OLA1: variants seen among roughly 807,000 people sequenced by gnomAD.
The protein encoded by OLA1 is obg-like ATPase 1.
Under a neutral mutation model 48.4 loss-of-function variants are expected in OLA1, and 14 were observed. The ratio of observed to expected loss-of-function variants is 0.29; its 90% confidence interval spans 0.19 to 0.45. OLA1 has a LOEUF of 0.45. Among genes scored for constraint, OLA1 ranks in the 20% least tolerant of loss-of-function variants. The pLI, the probability that OLA1 is intolerant of heterozygous loss-of-function variation, is 1.00. For missense variants in OLA1, 325 were observed against 467.1 expected, an observed-to-expected ratio of 0.70 and a Z score of 2.80; for synonymous variants, 127 against 150.4, an observed-to-expected ratio of 0.84 and a Z score of 1.14.
At chr2:174,087,588 A>T (rs1685012967) in intron 7 of OLA1, among the ~76,000 whole-genome samples, 1 of 152,092 alleles carries the variant, frequency 6.6e-6, no homozygotes, top group African/African-American at 2.4e-5. Flanking sequence ...TATGGTATAC[A>T]GACATATTAT....
Position 174,248,216 on chromosome 2 carries a change from C to A in OLA1, c.-1+236G>T, listed in dbSNP as rs929070204. The stretch of plus-strand genomic sequence containing the variant: ...CTCCTCTCCGGACTGGGCCACCGGG[C>A]GTCCTGGCGTCGGGAGAAGGCTTTC... On this transcript the variant is annotated intron_variant, in intron 1 of 10. Transcript: ENST00000284719. The A allele has an allele frequency of 5.9e-4, 94 of 158,440 alleles. 2 individuals are homozygous for A. The highest frequency in any genetic ancestry group is 5.0e-3 in the Admixed American group (82 of 16,312). The allele number at this position is 158,440 out of a possible 1,614,324, so 9.8% of individuals were successfully genotyped here. A position where few individuals can be genotyped will look rare whatever the true frequency, so the allele number is the denominator to read the frequency against.
chr2:174,148,523 A>G (rs6759799), intron 4 of OLA1, among the ~76,000 whole-genome samples: 6,506 of 152,312 alleles, frequency 0.043, 497 homozygotes, highest in African/African-American at 0.15. Flanking sequence ...CAGAAAAAAA[A>G]TTAACCATAA....
chr2:174,198,699 T>C (rs560679389), intron 4 of OLA1, among the ~76,000 whole-genome samples: 1 of 152,172 alleles, frequency 6.6e-6, no homozygotes, highest in Non-Finnish European at 1.5e-5. Flanking sequence ...AAGAATTGCT[T>C]GAACCTGGGA....
intron 7 of OLA1, among the ~76,000 whole-genome samples, chr2:174,119,781 A>T (rs901070161): frequency 6.6e-6 from 1 of 152,152 alleles, no homozygotes; most frequent in Admixed American, 6.5e-5. Flanking sequence ...AACTTGACAC[A>T]TTGCCCTTCA....
At chr2:174,246,500 T>C (rs1253418588) in intron 2 of OLA1, among the ~76,000 whole-genome samples, 1 of 152,174 alleles carries the variant, frequency 6.6e-6, no homozygotes, top group Non-Finnish European at 1.5e-5. Flanking sequence ...GCATGGCCTC[T>C]GGTAGACAGC....
chr2:174,247,126 C>G (rs984929196), intron 1 of OLA1: 8 of 183,240 alleles, frequency 4.4e-5, no homozygotes, highest in Middle Eastern at 2.1e-3. Flanking sequence ...GAGGGGGAGG[C>G]CGAGGTGGGC....
intron 4 of OLA1, among the ~76,000 whole-genome samples, chr2:174,158,781 A>C (rs931252585): frequency 6.6e-6 from 1 of 152,172 alleles, no homozygotes; most frequent in African/African-American, 2.4e-5. Flanking sequence ...AAGTAGAGAA[A>C]TCTCTCCACC....
intron 4 of OLA1, among the ~76,000 whole-genome samples, chr2:174,195,073 A>C (rs183495692): frequency 5.3e-5 from 8 of 152,272 alleles, no homozygotes; most frequent in Admixed American, 5.2e-4. Flanking sequence ...TTCAGCCTTC[A>C]TCTGAATTTA....
chr2:174,176,450 G>A (rs1687420609), intron 4 of OLA1, among the ~76,000 whole-genome samples: 1 of 151,960 alleles, frequency 6.6e-6, no homozygotes, highest in South Asian at 2.1e-4. Context: ...AACAAAAATT[G>A]GAAAAAATAT....
chr2:174,163,922 G>A (rs900019735), intron 4 of OLA1, among the ~76,000 whole-genome samples: 1 of 151,550 alleles, frequency 6.6e-6, no homozygotes, highest in Non-Finnish European at 1.5e-5. Context: ...CAATTTGGCT[G>A]TGTCCCCAAC....
At chr2:174,076,119 T>G (rs1684731287) in intron 10 of OLA1, among the ~76,000 whole-genome samples, 1 of 152,208 alleles carries the variant, frequency 6.6e-6, no homozygotes, top group African/African-American at 2.4e-5. Flanking sequence ...ATGGCCCTAG[T>G]TACAAGGAGA....
intron 7 of OLA1, among the ~76,000 whole-genome samples, chr2:174,099,402 C>T (rs1685337933): frequency 6.6e-6 from 1 of 152,166 alleles, no homozygotes; most frequent in African/African-American, 2.4e-5. Flanking sequence ...GATCCGCCCG[C>T]CTTGGCCTCC....
intron 4 of OLA1, among the ~76,000 whole-genome samples, chr2:174,162,367 T>C (rs1293259154): frequency 6.6e-6 from 1 of 152,204 alleles, no homozygotes; most frequent in Non-Finnish European, 1.5e-5. Context: ...TCAAAGGCCA[T>C]ATCACAACTA....
intron 3 of OLA1, 138 bp downstream of exon 3, chr2:174,229,170 A>T: frequency 1.2e-6 from 1 of 863,658 alleles, no homozygotes; most frequent in Non-Finnish European, 1.8e-6. Flanking sequence ...CACCGCACCC[A>T]GCCCTCTGCA....
intron 5 of OLA1, among the ~76,000 whole-genome samples, chr2:174,136,526 G>A (rs1686312958): frequency 6.6e-6 from 1 of 152,038 alleles, no homozygotes; most frequent in Non-Finnish European, 1.5e-5. Context: ...TCTACATCTA[G>A]TTCTCTTGCT....
At chr2:174,219,165 G>A (rs948207601) in intron 4 of OLA1, among the ~76,000 whole-genome samples, 4 of 151,424 alleles carry the variant, frequency 2.6e-5, no homozygotes, top group Admixed American at 1.3e-4. Context: ...ATTACTGGCC[G>A]GACACGGTGG....
At chr2:174,170,733 A>G (rs540235847) in intron 4 of OLA1, among the ~76,000 whole-genome samples, 1 of 152,238 alleles carries the variant, frequency 6.6e-6, no homozygotes, top group African/African-American at 2.4e-5. Flanking sequence ...TCCCATTTCT[A>G]CAAAAACTTA....
At chr2:174,229,489 T>A (rs1246353681) in intron 2 of OLA1, 38 bp from the exon 3 acceptor site, 1 of 1,518,526 alleles carries the variant, frequency 6.6e-7, no homozygotes, top group East Asian at 2.3e-5. Flanking sequence ...AATTCTTAGG[T>A]TAACACCAAG....
At chr2:174,155,467 C>T (rs904226046) in intron 4 of OLA1, among the ~76,000 whole-genome samples, 1 of 152,160 alleles carries the variant, frequency 6.6e-6, no homozygotes, top group African/African-American at 2.4e-5. Context: ...CTAAGCATAT[C>T]AATCACAAAA....
Sources: gnomAD v4.1 joint callset for allele counts (sites outside exome capture counted in the v4.1 genomes callset) on GRCh38, gnomAD v4.1.1 for gene constraint, MANE v1.5 for transcripts, NCBI Gene and HGNC (gene_info 2026-07-23, HGNC 2026-07-21) for gene names.